LRRC37A2: variants seen among roughly 807,000 people sequenced by gnomAD.
LRRC37A2 encodes the protein leucine-rich repeat-containing protein 37A2.
A neutral mutation model predicts 68.8 loss-of-function variants in LRRC37A2; 9 were observed. The ratio of observed to expected loss-of-function variants is 0.13; its 90% CI spans 0.08 to 0.23. The LOEUF is 0.23. LRRC37A2 is among the 10% of genes least tolerant of loss of function. LRRC37A2 has a pLI of 1.00. For synonymous variants in LRRC37A2, 63 were observed against 367.6 expected, an observed-to-expected ratio of 0.17 and a Z score of 9.48; for missense variants, 168 against 950.4, an observed-to-expected ratio of 0.18 and a Z score of 10.82.
the LRRC37A2 span, among the ~76,000 whole-genome samples, chr17:46,798,886 A>G: frequency 6.6e-6 from 1 of 152,002 alleles, no homozygotes; most frequent in East Asian, 1.9e-4. Flanking sequence ...CATCTCTACT[A>G]AAAATACAAA....
rs533745960 is a variant in LRRC37A2, at chr17:46,532,140, C to T, written c.2907-8036C>T. ...TCTCGAACTCCTAACCTCAGATGAT[C>T]CACCTGCTTCAGCCTCCCAAAATGC... On this transcript the variant is annotated intron_variant, in intron 6 of 14. Coordinates refer to ENST00000576629, the Ensembl canonical transcript of LRRC37A2. 4.8e-4 allele frequency among the ~76,000 whole-genome samples: 72 copies of T among 149,786 alleles called. 5 individuals carry two copies. The highest frequency in any genetic ancestry group is 1.7e-3 in the African/African-American group (69 of 39,624).
chr17:46,980,124 C>A, the LRRC37A2 span, among the ~76,000 whole-genome samples: 1 of 150,570 alleles, frequency 6.6e-6, no homozygotes, highest in Non-Finnish European at 1.5e-5. Flanking sequence ...CTCCCCACCC[C>A]AACCAACCCC....
chr17:46,889,289 G>A, the LRRC37A2 span, among the ~76,000 whole-genome samples: 1 of 152,078 alleles, frequency 6.6e-6, no homozygotes, highest in Non-Finnish European at 1.5e-5. Context: ...AGGACCTCTG[G>A]GTATGACTGC....
chr17:47,047,876 G>T, the LRRC37A2 span, among the ~76,000 whole-genome samples: 2 of 150,726 alleles, frequency 1.3e-5, no homozygotes, highest in Non-Finnish European at 2.9e-5. Flanking sequence ...AATGCTCAAG[G>T]GCTTTCAAGA....
At chr17:46,929,568 CA>C in the LRRC37A2 span, 1 of 1,536,218 alleles carries the variant, frequency 6.5e-7, no homozygotes, top group Non-Finnish European at 9.0e-7. Flanking sequence ...AGACGGCAGA[CA>C]AGCAGTCTGT....
chr17:46,847,077 T>C, the LRRC37A2 span, among the ~76,000 whole-genome samples: 3 of 152,374 alleles, frequency 2.0e-5, no homozygotes, highest in African/African-American at 7.2e-5. Context: ...CAAACATTCT[T>C]GTCATAGAAA....
At chr17:46,945,710 GCCT>G in the LRRC37A2 span, among the ~76,000 whole-genome samples, 3 of 152,108 alleles carry the variant, frequency 2.0e-5, no homozygotes, top group Non-Finnish European at 2.9e-5. Flanking sequence ...GCAACTTCTG[GCCT>G]CCTCTAAGAG....
chr17:46,914,422 G>A, the LRRC37A2 span, among the ~76,000 whole-genome samples: 1 of 152,094 alleles, frequency 6.6e-6, no homozygotes, highest in African/African-American at 2.4e-5. Flanking sequence ...GCCGAGGCAA[G>A]TGGATCACCT....
the LRRC37A2 span, chr17:47,027,455 T>TA: frequency 3.1e-6 from 2 of 642,810 alleles, no homozygotes; most frequent in Admixed American, 2.5e-5. Flanking sequence ...AGAGTTGAGA[T>TA]AAAAAATGTG....
the LRRC37A2 span, among the ~76,000 whole-genome samples, chr17:46,907,186 G>A: frequency 4.6e-4 from 70 of 152,324 alleles, no homozygotes; most frequent in African/African-American, 1.6e-3. Context: ...AGACAGCAGA[G>A]GGCTGAGCCA....
At chr17:47,035,403 T>C in the LRRC37A2 span, among the ~76,000 whole-genome samples, 38 of 152,334 alleles carry the variant, frequency 2.5e-4, no homozygotes, top group African/African-American at 8.4e-4. Flanking sequence ...ATCTTTCATA[T>C]AAACGAATCA....
chr17:47,021,815 A>G, the LRRC37A2 span: 2 of 1,334,978 alleles, frequency 1.5e-6, no homozygotes, highest in African/African-American at 1.5e-5. Context: ...TTGTTTTCCT[A>G]CCTATTCAAG....
chr17:46,814,200 T>C, the LRRC37A2 span, among the ~76,000 whole-genome samples: 1 of 152,204 alleles, frequency 6.6e-6, no homozygotes, highest in Admixed American at 6.5e-5. Context: ...GCCCCGGAGC[T>C]GTTGACAAAA....
the LRRC37A2 span, chr17:47,018,902 C>A: frequency 1.3e-6 from 2 of 1,517,708 alleles, no homozygotes; most frequent in South Asian, 1.1e-5. Flanking sequence ...TGAAGGAGAC[C>A]CCAACTCAGC....
the LRRC37A2 span, among the ~76,000 whole-genome samples, chr17:46,807,501 G>GA: frequency 6.6e-6 from 1 of 151,832 alleles, no homozygotes; most frequent in Admixed American, 6.6e-5. Flanking sequence ...TAAATAAACA[G>GA]AAAAAAAAGA....
chr17:46,995,344 T>C, the LRRC37A2 span, among the ~76,000 whole-genome samples: 1 of 152,226 alleles, frequency 6.6e-6, no homozygotes, highest in South Asian at 2.1e-4. Context: ...TGTGTCATAA[T>C]TTGAGTCACT....
At chr17:47,026,474 T>G in the LRRC37A2 span, among the ~76,000 whole-genome samples, 1 of 152,152 alleles carries the variant, frequency 6.6e-6, no homozygotes, top group South Asian at 2.1e-4. Flanking sequence ...ACTGATTCAG[T>G]TGGTCTAGAG....
chr17:46,980,561 G>C, the LRRC37A2 span, among the ~76,000 whole-genome samples: 3 of 151,290 alleles, frequency 2.0e-5, no homozygotes, highest in Admixed American at 6.6e-5. Context: ...GGTGGCTCAC[G>C]CCTGTAATCC....
At chr17:46,768,705 C>T in the LRRC37A2 span, 11 of 1,613,988 alleles carry the variant, frequency 6.8e-6, no homozygotes, top group Non-Finnish European at 8.5e-6. This position sits in a 1 kb window ranked among gnomAD's most constrained non-coding sequence, Gnocchi z 5.0. Flanking sequence ...ACCGATGGCA[C>T]GGAAGTCAGG....
Sources: gnomAD v4.1 joint callset for allele counts (sites outside exome capture counted in the v4.1 genomes callset) on GRCh38, gnomAD v4.1.1 for gene constraint, Gnocchi (gnomAD v3.1) non-coding constraint, MANE v1.5 for transcripts, NCBI Gene and HGNC (gene_info 2026-07-23, HGNC 2026-07-21) for gene names.